The following PARP6 variants were observed in gnomAD, a reference collection of about 807,000 sequenced individuals.
The protein encoded by PARP6 is protein mono-ADP-ribosyltransferase PARP6.
Under a neutral mutation model 92.0 loss-of-function variants are expected in PARP6, and 27 were observed. The ratio of observed to expected loss-of-function variants is 0.29; its 90% confidence interval spans 0.22 to 0.40. PARP6 has a LOEUF of 0.40. PARP6 is among the 10% of genes least tolerant of loss of function. The pLI is 1.00. For missense variants in PARP6, 501 were observed against 784.5 expected, an observed-to-expected ratio of 0.64 and a Z score of 4.32; for synonymous variants, 272 against 281.2, an observed-to-expected ratio of 0.97 and a Z score of 0.33.
Position 72,261,759 on chromosome 15 carries a change from T to C in PARP6, c.396-52A>G, listed in dbSNP as rs771315327. On this transcript the variant is annotated intron_variant, in intron 8 of 23. Transcript: ENST00000569795. ...GGCAAGATGAGGCAGGGTCAAGAAA[T>C]AAGGACTAAAGAGAGACAAATAATC... The C allele has an allele frequency of 2.6e-6, 4 of 1,565,920 alleles. No individual in the cohort carries two copies. The Admixed American group carries it at 5.0e-5, about 20-fold the overall frequency.
chr15:72,242,739 T>G lies in PARP6; in HGVS notation c.1562-40A>C. On this transcript the variant is annotated intron_variant, in intron 20 of 23. Coordinates refer to ENST00000569795, the MANE Select transcript of PARP6 (RefSeq NM_001323532.2). This position sits in a 1 kb window ranked among gnomAD's most constrained non-coding sequence, Gnocchi z 4.3. The stretch of plus-strand genomic sequence containing the variant: ...TACACCCACTTCATTTATCAAAAAT[T>G]TACGAAAGTGCCTACTATGTCCCAG... The G allele has an allele frequency of 7.4e-7, 1 of 1,354,782 alleles. No homozygotes were observed. The highest frequency in any genetic ancestry group is 1.0e-6 in the Non-Finnish European group (1 of 962,376). The allele number at this position is 1,354,782 out of a possible 1,614,324, so 83.9% of individuals were successfully genotyped here. A position where few individuals can be genotyped will look rare whatever the true frequency, so the allele number is the denominator to read the frequency against.
At chr15:72,243,028 G>A (rs2083233910) in intron 20 of PARP6, 1 of 278,996 alleles carries the variant, frequency 3.6e-6, no homozygotes, top group African/African-American at 2.2e-5. Flanking sequence ...AAACAGCGGG[G>A]AAGTGTCTGG....
chr15:72,254,375 C>T, intron 15 of PARP6, 80 bp downstream of exon 15: 1 of 986,300 alleles, frequency 1.0e-6, no homozygotes, highest in Non-Finnish European at 1.6e-6. Flanking sequence ...AATCTTCATC[C>T]CACTCCCACA....
intron 2 of PARP6, among the ~76,000 whole-genome samples, chr15:72,269,232 C>G (rs1399698046): frequency 6.6e-6 from 1 of 152,132 alleles, no homozygotes; most frequent in East Asian, 1.9e-4. Context: ...GCGATCTCGG[C>G]TCACTGCAAC....
Position 72,256,694 on chromosome 15 carries a change from A to G in PARP6, c.1000-104T>C, listed in dbSNP as rs117464071. 9.0e-3 allele frequency: 8,526 copies of G among 947,346 alleles called. 63 individuals are homozygous for G. The highest frequency in any genetic ancestry group is 0.01 in the Non-Finnish European group (7,176 of 690,700). The allele number at this position is 947,346 out of a possible 1,614,324, so 58.7% of individuals were successfully genotyped here. ...TCTGATGTTCTTTTAAAAAGCAAAT[A>G]TGTTTAAGGCTTTCAAAATAGAAAA... On this transcript the variant is annotated intron_variant, in intron 13 of 23. Coordinates refer to ENST00000569795, the MANE Select transcript of PARP6 (RefSeq NM_001323532.2).
chr15:72,252,858 C>G (rs969914380), intron 16 of PARP6, among the ~76,000 whole-genome samples: 1 of 152,066 alleles, frequency 6.6e-6, no homozygotes, highest in Admixed American at 6.6e-5. Context: ...AAACCTATTG[C>G]GAAACATGGA....
rs1469331584 is a variant in PARP6, at chr15:72,242,805, AAAG to A, written c.1562-109_1562-107del. Reference sequence around the variant, plus strand: ...TCATCAAAACAGCAGAGAATAAAACAAAGAAGATTATTTTCCCCCACAGAATTT... The same window carrying A: ...TCATCAAAACAGCAGAGAATAAAACAAAGATTATTTTCCCCCACAGAATTT... On this transcript the variant is annotated intron_variant, in intron 20 of 23. Transcript: ENST00000569795. This position sits in a 1 kb window ranked among gnomAD's most constrained non-coding sequence, Gnocchi z 4.3. 13 of 692,686 alleles carry A rather than the reference AAAG, an allele frequency of 1.9e-5. No homozygotes were observed. Among genetic ancestry groups the A allele is most frequent in the African/African-American group, 1.8e-5 (1 of 55,290 alleles). 42.9% of individuals were successfully genotyped at this position (692,686 alleles called of 1,614,324 possible).
chr15:72,252,211 G>T (rs1014127360), intron 16 of PARP6, among the ~76,000 whole-genome samples: 1 of 152,222 alleles, frequency 6.6e-6, no homozygotes, highest in African/African-American at 2.4e-5. Context: ...CAGAGACAGG[G>T]CAAGGGGATA....
In PARP6 at chr15:72,253,478, C is replaced by A; in HGVS notation, c.1218G>T (p.Gln406His). ...TQGSYLEIKK[Q>H]MDKLDPLAHP... ...GGGCCAGGGGATCCAACTTGTCCAT[C>A]TGTTTCTTGATTTCCAAATATGAGC... Residue 406 changes from glutamine to histidine, a missense_variant, in exon 16 of 24, where the codon CAG becomes CAT. Transcript: ENST00000569795. The A allele has an allele frequency of 6.2e-7, 1 of 1,613,996 alleles. No homozygotes were observed. The highest frequency in any genetic ancestry group is 8.5e-7 in the Non-Finnish European group (1 of 1,179,852).
intron 2 of PARP6, among the ~76,000 whole-genome samples, 164 bp from the exon 3 acceptor site, chr15:72,267,835 T>C (rs1230241550): frequency 6.6e-6 from 1 of 152,064 alleles, no homozygotes; most frequent in Non-Finnish European, 1.5e-5. Flanking sequence ...CACTGCAACC[T>C]CCGCCTCCTG....
At chr15:72,268,971 A>G (rs748255371) in intron 2 of PARP6, among the ~76,000 whole-genome samples, 43 of 152,134 alleles carry the variant, frequency 2.8e-4, no homozygotes, top group Non-Finnish European at 4.4e-4. Flanking sequence ...AAACAAAACA[A>G]AACAAAAAAC....
chr15:72,252,112 G>A (rs1334013558), intron 16 of PARP6, among the ~76,000 whole-genome samples: 3 of 152,242 alleles, frequency 2.0e-5, no homozygotes, highest in East Asian at 3.9e-4. Flanking sequence ...AGGAATGGAT[G>A]GCAGCAGGGA....
At chr15:72,272,191 C>T (rs990172476) in intron 1 of PARP6, 2 of 152,294 alleles carry the variant, frequency 1.3e-5, no homozygotes, top group African/African-American at 2.4e-5. Flanking sequence ...ACCCGTGCTT[C>T]CAGGACAGGC....
rs565733850 is a variant in PARP6, at chr15:72,247,658, CT to C, written c.1561+1586del. ...GTGTGTGGAAATTTTTACACAATTT[CT>C]ATTTCTTTTATAGTATTATGATTAT... is the stretch of plus-strand genomic sequence containing the variant. On this transcript the variant is annotated intron_variant, in intron 20 of 23. Transcript: ENST00000569795. Among the ~76,000 whole-genome samples, 6 of 152,208 alleles carry C rather than the reference CT, an allele frequency of 3.9e-5. No individual in the cohort carries two copies. The South Asian group carries it at 1.0e-3, about 26-fold the overall frequency.
intron 20 of PARP6, among the ~76,000 whole-genome samples, chr15:72,247,684 T>C (rs2083788863): frequency 6.6e-6 from 1 of 152,242 alleles, no homozygotes; most frequent in Non-Finnish European, 1.5e-5. Flanking sequence ...ATTATGATTA[T>C]ACAGGCTATT....
Position 72,241,837 on chromosome 15 carries a change from C to T in PARP6, c.1790+64G>A. The T allele has an allele frequency of 8.5e-7, 1 of 1,178,468 alleles. No individual in the cohort carries two copies. Among genetic ancestry groups the T allele is most frequent in the Non-Finnish European group, 1.3e-6 (1 of 784,864 alleles). 73.0% of individuals were successfully genotyped at this position (1,178,468 alleles called of 1,614,324 possible). A position where few individuals can be genotyped will look rare whatever the true frequency, so the allele number is the denominator to read the frequency against. ...AACAGAAATAGACTTTTCCCAGTAG[C>T]CACACACCATCACACCCCCAACCTC... On this transcript the variant is annotated intron_variant, in intron 23 of 23. Coordinates refer to ENST00000569795, the MANE Select transcript of PARP6 (RefSeq NM_001323532.2). This position sits in a 1 kb window ranked among gnomAD's most constrained non-coding sequence, Gnocchi z 4.1.
chr15:72,258,014 G>C, intron 12 of PARP6, 23 bp downstream of exon 12: 1 of 1,514,248 alleles, frequency 6.6e-7, no homozygotes, highest in Non-Finnish European at 9.2e-7. Context: ...TAAGGAAGAG[G>C]GTCATAGAGT....
At chr15:72,248,908 A>G (rs974923852) in intron 20 of PARP6, among the ~76,000 whole-genome samples, 5 of 152,264 alleles carry the variant, frequency 3.3e-5, no homozygotes, top group Non-Finnish European at 7.3e-5. Context: ...GTAAACTTAC[A>G]TGTACAAGTA....
rs2083037083 is a variant in PARP6 at position 72,241,413 on chromosome 15, G to A, written c.*42C>T. The A allele has an allele frequency of 1.5e-6, 2 of 1,376,362 alleles. No individual in the cohort carries two copies. The highest frequency in any genetic ancestry group is 1.0e-6 in the Non-Finnish European group (1 of 963,738). 85.3% of individuals were successfully genotyped at this position (1,376,362 alleles called of 1,614,324 possible). A position where few individuals can be genotyped will look rare whatever the true frequency, so the allele number is the denominator to read the frequency against. On this transcript the variant is annotated 3_prime_UTR_variant, in exon 24 of 24. Coordinates refer to ENST00000569795, the MANE Select transcript of PARP6 (RefSeq NM_001323532.2). This position sits in a 1 kb window ranked among gnomAD's most constrained non-coding sequence, Gnocchi z 4.1. ...CCTGAACACTTTTATGAGGGCAGAT[G>A]GATCCTGGGGTAACAGGGGTGGTAC... is the stretch of plus-strand genomic sequence containing the variant.
Sources: allele counts gnomAD v4.1 joint callset (sites outside exome capture counted in the v4.1 genomes callset), GRCh38; gene constraint gnomAD v4.1.1; non-coding constraint Gnocchi (gnomAD v3.1); transcripts MANE v1.5; gene names NCBI Gene and HGNC (gene_info 2026-07-23, HGNC 2026-07-21).